Variants in ZNF550 observed in about 807,000 individuals in gnomAD.
The protein encoded by ZNF550 is zinc finger protein 550.
ZNF550 carries 42 observed loss-of-function variants against 40.2 expected under a neutral mutation model. The ratio of observed to expected loss-of-function variants is 1.05; its 90% CI spans 0.82 to 1.35. The LOEUF (loss-of-function observed/expected upper bound fraction) is 1.35. Ranked by LOEUF, ZNF550 falls within the 40% of genes most tolerant of loss-of-function variation. The pLI is 0.00. For missense variants in ZNF550, 549 were observed against 525.2 expected (o/e 1.05, Z -0.44); for synonymous variants, 223 against 198.6 (o/e 1.12, Z -1.03).
chr19:57,550,736 A>G (rs1354108672), intron 3 of ZNF550, among the ~76,000 whole-genome samples: 5 of 152,248 alleles, frequency 3.3e-5, no homozygotes, highest in African/African-American at 7.2e-5. Flanking sequence ...GCAGAAATGC[A>G]AAAATTTAAG....
chr19:57,558,527 C>T (rs189540840), intron 1 of ZNF550, among the ~76,000 whole-genome samples: 1 of 152,246 alleles, frequency 6.6e-6, no homozygotes, highest in Admixed American at 6.5e-5. Flanking sequence ...AGGGAAGCAA[C>T]AGGCACTCAC....
chr19:57,541,889 A>G (rs902672164), exon 5 of ZNF550: 9 of 152,222 alleles, frequency 5.9e-5, no homozygotes, highest in Non-Finnish European at 1.3e-4. Context: ...TCCATTCCAT[A>G]AACTTCAGAA....
chr19:57,554,799 C>T lies in ZNF550; in HGVS notation c.154+1432G>A, dbSNP rs189137472. 2 of 152,268 alleles carry T rather than the reference C, an allele frequency of 1.3e-5. No individual in the cohort carries two copies. Among genetic ancestry groups the T allele is most frequent in the Non-Finnish European group, 2.9e-5 (2 of 68,062 alleles). The allele number at this position is 152,268 out of a possible 1,614,324, so 9.4% of individuals were successfully genotyped here. A position where few individuals can be genotyped will look rare whatever the true frequency, so the allele number is the denominator to read the frequency against. On this transcript the variant is annotated intron_variant, in intron 2 of 4. Transcript: ENST00000457177. This position sits in a 1 kb window ranked among gnomAD's most constrained non-coding sequence, Gnocchi z 4.5. ...CTTTGGCTCTCCCAAGAGCTGAGCT[C>T]CCTGTCACTTTTCACACGCTGGTTC... is the stretch of plus-strand genomic sequence containing the variant.
intron 3 of ZNF550, among the ~76,000 whole-genome samples, chr19:57,548,837 T>C (rs923995845): frequency 6.6e-6 from 1 of 152,176 alleles, no homozygotes; most frequent in South Asian, 2.1e-4. Flanking sequence ...TAAGGGTCCA[T>C]CAACAATGAA....
chr19:57,559,892 C>A (rs150900948), upstream of ZNF550: 714 of 437,866 alleles, frequency 1.6e-3, 6 homozygotes, highest in African/African-American at 0.013. Flanking sequence ...CCTGCCACGC[C>A]TTTTCCTGCG....
chr19:57,556,493 G>T, intron 1 of ZNF550, 136 bp from the exon 2 acceptor site: 1 of 1,150,216 alleles, frequency 8.7e-7, no homozygotes, highest in Non-Finnish European at 1.2e-6. Flanking sequence ...TGACTTCCGT[G>T]CAGGGCTCAA....
At chr19:57,558,505 G>A (rs950542615) in intron 1 of ZNF550, among the ~76,000 whole-genome samples, 1 of 152,102 alleles carries the variant, frequency 6.6e-6, no homozygotes, top group Non-Finnish European at 1.5e-5. Context: ...TGGCTGTTCT[G>A]GGTCTTGGGA....
At chr19:57,561,226 A>G (rs976633054), upstream of ZNF550, among the ~76,000 whole-genome samples, 3 of 152,208 alleles carry the variant, frequency 2.0e-5, no homozygotes, top group Non-Finnish European at 4.4e-5. The surrounding 1 kb of genome is among the most constrained non-coding windows in gnomAD (Gnocchi z 4.9). Flanking sequence ...GTGAGTATAA[A>G]CACCCTTTAA....
intron 1 of ZNF550, 113 bp from the exon 2 acceptor site, chr19:57,556,470 G>T: frequency 7.1e-7 from 1 of 1,405,652 alleles, no homozygotes. Flanking sequence ...AATCAACTAG[G>T]TCTCCTTTGG....
In ZNF550 at chr19:57,556,253, G is replaced by T. The variant is rs1295479783; in HGVS notation, c.132C>A (p.Thr44=). 1 of 1,614,144 alleles carries T rather than the reference G, an allele frequency of 6.2e-7. No individual in the cohort carries two copies. The highest frequency in any genetic ancestry group is 8.5e-7 in the Non-Finnish European group (1 of 1,180,000). Reference sequence around the variant, plus strand: ...TACCTAGTGAAACCAGAAGCCCACAGGTCTCCAGCATCACCTCTCGGTACA... The same window carrying T: ...TACCTAGTGAAACCAGAAGCCCACATGTCTCCAGCATCACCTCTCGGTACA... The change falls in exon 2 of 5, where the codon ACC becomes ACA. Residue 44 remains threonine, a synonymous_variant. Transcript: ENST00000457177.
At chr19:57,552,744 G>A (rs753698283) in intron 2 of ZNF550, 22 bp from the exon 3 acceptor site, 3 of 1,540,260 alleles carry the variant, frequency 1.9e-6, no homozygotes, top group Non-Finnish European at 1.8e-6. Context: ...AAAAGAAATA[G>A]AATAGGGGTA....
chr19:57,559,822 C>A (rs1474881522), exon 1 of ZNF550: 3 of 701,994 alleles, frequency 4.3e-6, no homozygotes. Context: ...CGGACCAACA[C>A]GCCCCACCAC....
intron 2 of ZNF550, chr19:57,553,331 C>T (rs1460097226): frequency 6.6e-6 from 1 of 152,274 alleles, no homozygotes; most frequent in Non-Finnish European, 1.5e-5. Flanking sequence ...TGACCTCCGT[C>T]TATGGAAGCC....
At chr19:57,545,792 C>T (rs1199879049) in intron 4 of ZNF550, among the ~76,000 whole-genome samples, 1 of 152,134 alleles carries the variant, frequency 6.6e-6, no homozygotes, top group Non-Finnish European at 1.5e-5. Context: ...GCAGGTGGAC[C>T]ACTTGAAGCC....
At position 57,544,499 on chromosome 19, in the gene ZNF550, G is replaced by A. The variant is rs1164653810; in HGVS notation, c.*519-1256C>T. On this transcript the variant is annotated intron_variant, in intron 4 of 4. Coordinates refer to ENST00000457177, the Ensembl canonical transcript of ZNF550. ...TACAGCCACAGCTACAATACATGCA[G>A]CCTTCCAGAGAGAGGATGCAGGAGG... The A allele has an allele frequency of 3.0e-6, 3 of 985,288 alleles. No individual in the cohort carries two copies. In the African/African-American group the frequency reaches 5.2e-5, roughly 17 times the overall value. 61.0% of individuals were successfully genotyped at this position (985,288 alleles called of 1,614,324 possible). A position where few individuals can be genotyped will look rare whatever the true frequency, so the allele number is the denominator to read the frequency against.
At chr19:57,556,305 C>G (rs1568601439) in exon 2 of ZNF550, 1 of 1,614,018 alleles carries the variant, frequency 6.2e-7, no homozygotes, top group African/African-American at 1.3e-5. Context: ...GTCCAGCTGT[C>G]TCCACTCCTC....
chr19:57,552,883 G>C (rs1377995266), intron 2 of ZNF550, 161 bp from the exon 3 acceptor site: 1 of 592,298 alleles, frequency 1.7e-6, no homozygotes. Context: ...GCATTGCTCT[G>C]AGTGAGCTGT....
chr19:57,552,360 C>T (rs1459803957), intron 3 of ZNF550: 1 of 474,206 alleles, frequency 2.1e-6, no homozygotes, highest in Non-Finnish European at 3.7e-6. Flanking sequence ...GACTTCTCCC[C>T]TTCTTCTTGT....
intron 3 of ZNF550, among the ~76,000 whole-genome samples, chr19:57,550,767 CTTA>C (rs1235648647): frequency 1.3e-5 from 2 of 152,130 alleles, no homozygotes; most frequent in African/African-American, 4.8e-5. Flanking sequence ...CAAATTTGTA[CTTA>C]TTATTGTATA....
Sources: allele counts gnomAD v4.1 joint callset (sites outside exome capture counted in the v4.1 genomes callset), GRCh38; gene constraint gnomAD v4.1.1; non-coding constraint Gnocchi (gnomAD v3.1); transcripts MANE v1.5; gene names NCBI Gene and HGNC (gene_info 2026-07-23, HGNC 2026-07-21).